The following LINC00632 variants were observed in gnomAD, a reference collection of about 807,000 sequenced individuals.
The protein encoded by LINC00632 is long independently transcribed non-coding RNA 632.
Position 140,743,224 on chromosome X carries a change from C to CAAAAAA in LINC00632, n.191+9291_191+9296dup, listed in dbSNP as rs58322122. On this transcript the variant is annotated intron_variant and non_coding_transcript_variant, in intron 3 of 4. Coordinates refer to ENST00000648200, the Ensembl canonical transcript of LINC00632. ...TGGGCGACAGAGCAAAACGCTGTCT[C>CAAAAAA]AAAAAAAAAAAAAAAAAAAAAAAAA... 2.5e-4 allele frequency among the ~76,000 whole-genome samples: 11 copies of CAAAAAA among 44,329 alleles called. 1 individual carries two copies. The highest frequency in any genetic ancestry group is 9.3e-4 in the African/African-American group (6 of 6,431). 38.5% of individuals were successfully genotyped at this position (44,329 alleles called of 115,157 possible). A position where few individuals can be genotyped will look rare whatever the true frequency, so the allele number is the denominator to read the frequency against.
chrX:140,784,410 A>G, exon 5 of LINC00632: 1 of 1,187,328 alleles, frequency 8.4e-7, no homozygotes, highest in Non-Finnish European at 1.1e-6. Flanking sequence ...TATGTCTTCC[A>G]ACTAAGCTAC....
At chrX:140,736,221 A>G (rs1931140876) in intron 3 of LINC00632, among the ~76,000 whole-genome samples, 1 of 110,895 alleles carries the variant, frequency 9.0e-6, no homozygotes, top group Non-Finnish European at 1.9e-5. Context: ...AAATTAAACA[A>G]TGTAGTATGT....
In LINC00632 at chrX:140,778,602, TAAAC is replaced by T. The variant is rs780005981; in HGVS notation, n.6633_6636del. Among the ~76,000 whole-genome samples the T allele has an allele frequency of 5.1e-3, 487 of 95,116 alleles. 2 individuals carry two copies. Among genetic ancestry groups the T allele is most frequent in the African/African-American group, 0.019 (457 of 24,344 alleles). 82.6% of individuals were successfully genotyped at this position (95,116 alleles called of 115,157 possible). ...CCTGGCAACAGGATGAGACTCTGTCTAAACAAACAAACAAAGAAAAAAAAAAAAA... is the reference window on the plus strand; with the variant it reads ...CCTGGCAACAGGATGAGACTCTGTCTAAACAAACAAAGAAAAAAAAAAAAA... On this transcript the variant is annotated non_coding_transcript_exon_variant, in exon 5 of 5. Coordinates refer to ENST00000648200, the Ensembl canonical transcript of LINC00632.
At chrX:140,788,889 A>C (rs1289739345) in exon 5 of LINC00632, among the ~76,000 whole-genome samples, 1 of 54,175 alleles carries the variant, frequency 1.8e-5, no homozygotes, top group Non-Finnish European at 3.4e-5. Context: ...ACACATATAT[A>C]CACATATATG....
chrX:140,761,784 T>C (rs1411729815), intron 3 of LINC00632, among the ~76,000 whole-genome samples: 2 of 112,405 alleles, frequency 1.8e-5, no homozygotes, highest in African/African-American at 6.5e-5. Flanking sequence ...AGAATATTTG[T>C]TGGAGAGGGG....
At chrX:140,725,605 C>A (rs1930947542) in intron 2 of LINC00632, among the ~76,000 whole-genome samples, 2 of 111,883 alleles carry the variant, frequency 1.8e-5, no homozygotes, top group African/African-American at 6.5e-5. Context: ...CCAAACTTGA[C>A]TCACAACACA....
exon 5 of LINC00632, among the ~76,000 whole-genome samples, chrX:140,775,995 C>T (rs1037433437): frequency 4.5e-5 from 5 of 111,419 alleles, no homozygotes; most frequent in Non-Finnish European, 7.5e-5. Context: ...AACAGGCAAC[C>T]AAAAGAATGG....
chrX:140,723,591 A>T (rs770083910), intron 2 of LINC00632, among the ~76,000 whole-genome samples: 4 of 87,362 alleles, frequency 4.6e-5, no homozygotes, highest in Non-Finnish European at 6.8e-5. Context: ...CACACATTCC[A>T]TACACAGACA....
intron 2 of LINC00632, among the ~76,000 whole-genome samples, chrX:140,730,449 C>T (rs1273763910): frequency 9.0e-6 from 1 of 110,932 alleles, no homozygotes; most frequent in African/African-American, 3.3e-5. Flanking sequence ...AGACTTACCT[C>T]ACCTCACCAG....
At chrX:140,783,239 T>G in exon 5 of LINC00632, 1 of 238,779 alleles carries the variant, frequency 4.2e-6, no homozygotes, top group African/African-American at 2.9e-5. Context: ...ACTTCAAGTC[T>G]TCCAATAATC....
chrX:140,739,759 C>T (rs539430853), intron 3 of LINC00632, among the ~76,000 whole-genome samples: 2 of 109,919 alleles, frequency 1.8e-5, no homozygotes, highest in South Asian at 7.9e-4. Context: ...CCTTCTGGCC[C>T]ACAGTGACTG....
intron 3 of LINC00632, among the ~76,000 whole-genome samples, chrX:140,764,210 G>GT (rs1347325110): frequency 9.1e-6 from 1 of 110,463 alleles, no homozygotes; most frequent in East Asian, 2.9e-4. Flanking sequence ...CAAATCGGAT[G>GT]TTTTTTCCAG....
rs945500377 is a variant in LINC00632, at chrX:140,720,679, A to G, written n.104+9023A>G. Among the ~76,000 whole-genome samples the G allele has an allele frequency of 5.4e-5, 6 of 112,127 alleles. No individual in the cohort carries two copies. The East Asian group carries it at 1.7e-3, about 32-fold the overall frequency. Reference sequence around the variant, plus strand: ...ATCACAACATTGTATGTATTATCGGACATGTCCGTATATTTTGGGGACAAC... The same window carrying G: ...ATCACAACATTGTATGTATTATCGGGCATGTCCGTATATTTTGGGGACAAC... On this transcript the variant is annotated intron_variant and non_coding_transcript_variant, in intron 2 of 4. Coordinates refer to ENST00000648200, the Ensembl canonical transcript of LINC00632.
At chrX:140,724,310 C>A (rs1469766597) in intron 2 of LINC00632, among the ~76,000 whole-genome samples, 1 of 94,948 alleles carries the variant, frequency 1.1e-5, no homozygotes, top group Non-Finnish European at 2.1e-5. Context: ...CACATTCAGA[C>A]ACATTCCATA....
chrX:140,742,877 G>GAGAAAGGAAGGAAGGAAGGA (rs1209141726), intron 3 of LINC00632, among the ~76,000 whole-genome samples: 1 of 94,408 alleles, frequency 1.1e-5, no homozygotes, highest in African/African-American at 4.1e-5. Context: ...GAGAGAGAGA[G>GAGAAAGGAAGGAAGGAAGGA]AGGAAGGAAG....
chrX:140,785,652 C>G (rs147305792), exon 5 of LINC00632, among the ~76,000 whole-genome samples: 40 of 112,208 alleles, frequency 3.6e-4, no homozygotes, highest in African/African-American at 1.1e-3. Context: ...TCCCTTGGAC[C>G]TGTATATGGA....
intron 3 of LINC00632, among the ~76,000 whole-genome samples, chrX:140,755,838 A>G (rs1931484431): frequency 9.0e-6 from 1 of 111,328 alleles, no homozygotes; most frequent in African/African-American, 3.3e-5. Context: ...CACAGTACAC[A>G]TTTTGCAGAG....
intron 3 of LINC00632, among the ~76,000 whole-genome samples, chrX:140,763,638 G>C (rs2148397735): frequency 9.0e-6 from 1 of 111,262 alleles, no homozygotes; most frequent in African/African-American, 3.3e-5. Context: ...AATATCTGAA[G>C]ACAAGACTTC....
intron 1 of LINC00632, among the ~76,000 whole-genome samples, chrX:140,711,217 T>C (rs1048700990): frequency 3.6e-5 from 4 of 111,504 alleles, no homozygotes; most frequent in Non-Finnish European, 7.5e-5. Flanking sequence ...ATCATAGTCA[T>C]TGTAGTAAAT....
Sources: allele counts gnomAD v4.1 joint callset (sites outside exome capture counted in the v4.1 genomes callset), GRCh38; gene constraint gnomAD v4.1.1; transcripts MANE v1.5; gene names NCBI Gene and HGNC (gene_info 2026-07-23, HGNC 2026-07-21).